Variants in LMCD1 observed in about 807,000 individuals in gnomAD.
LMCD1 encodes LIM and cysteine rich domains 1.
LMCD1 carries 32 observed loss-of-function variants against 42.7 expected under a neutral mutation model. The ratio of observed to expected loss-of-function variants is 0.75; its 90% confidence interval spans 0.57 to 1.01. The LOEUF is 1.01. Among genes scored for constraint, LMCD1 ranks in the 50% least tolerant of loss-of-function variants. LMCD1 has a pLI of 0.00. For missense variants in LMCD1, 458 were observed against 483.1 expected (o/e 0.95, Z 0.49); for synonymous variants, 178 against 184.9 (o/e 0.96, Z 0.30).
chr3:8,518,943 A>T (rs778771653), intron 1 of LMCD1, among the ~76,000 whole-genome samples: 6 of 152,182 alleles, frequency 3.9e-5, no homozygotes, highest in Non-Finnish European at 8.8e-5. Context: ...GATATCTAAC[A>T]TATATTAGCT....
chr3:8,567,717 C>T lies in LMCD1; in HGVS notation c.*119C>T. The T allele has an allele frequency of 1.0e-6, 1 of 992,716 alleles. No homozygotes were observed. Among genetic ancestry groups the T allele is most frequent in the South Asian group, 1.6e-5 (1 of 63,422 alleles). The allele number at this position is 992,716 out of a possible 1,614,324, so 61.5% of individuals were successfully genotyped here. Reference sequence around the variant, plus strand: ...AGCAAGTGAAATAAACAATGATTTGCTTTTCAGTGAGAATATATATATGAG... The same window carrying T: ...AGCAAGTGAAATAAACAATGATTTGTTTTTCAGTGAGAATATATATATGAG... On this transcript the variant is annotated 3_prime_UTR_variant, in exon 6 of 6. Transcript: ENST00000157600.
chr3:8,550,230 C>A (rs1694817129), intron 4 of LMCD1: 1 of 1,105,324 alleles, frequency 9.0e-7, no homozygotes, highest in Non-Finnish European at 1.1e-6. Context: ...CTAGCGTGTA[C>A]TGCGTTTCTG....
intron 1 of LMCD1, among the ~76,000 whole-genome samples, chr3:8,517,630 T>C: frequency 6.6e-6 from 1 of 152,208 alleles, no homozygotes; most frequent in East Asian, 1.9e-4. Context: ...TTCTTCTGAT[T>C]ATATCAAGGA....
chr3:8,514,996 G>C (rs1235038443), intron 1 of LMCD1: 2 of 456,698 alleles, frequency 4.4e-6, no homozygotes, highest in Non-Finnish European at 8.8e-6. Context: ...TCGACCGCAT[G>C]TAAGTTTTCC....
intron 2 of LMCD1, 56 bp downstream of exon 2, chr3:8,532,881 C>T (rs1366464250): frequency 3.5e-6 from 5 of 1,418,494 alleles, no homozygotes; most frequent in East Asian, 2.3e-5. Flanking sequence ...GCTGTCCTCT[C>T]GGGGAACCCT....
At chr3:8,527,548 C>T (rs1041296763) in intron 1 of LMCD1, among the ~76,000 whole-genome samples, 2 of 152,170 alleles carry the variant, frequency 1.3e-5, no homozygotes, top group African/African-American at 4.8e-5. Context: ...TTTTATTCCA[C>T]TCAACCCATC....
At chr3:8,504,645 A>G (rs1380445001) in intron 1 of LMCD1, among the ~76,000 whole-genome samples, 1 of 152,256 alleles carries the variant, frequency 6.6e-6, no homozygotes, top group Non-Finnish European at 1.5e-5. Flanking sequence ...ACATCGTGGC[A>G]GAGCTTACAA....
At chr3:8,558,448 A>T (rs1282549306) in intron 4 of LMCD1, among the ~76,000 whole-genome samples, 2 of 152,236 alleles carry the variant, frequency 1.3e-5, no homozygotes, top group Non-Finnish European at 2.9e-5. Flanking sequence ...GAAACTTCCC[A>T]TTTGTTCTAT....
At chr3:8,527,773 C>T (rs2125019823) in intron 1 of LMCD1, among the ~76,000 whole-genome samples, 1 of 152,224 alleles carries the variant, frequency 6.6e-6, no homozygotes, top group African/African-American at 2.4e-5. Flanking sequence ...ACTAAGATAC[C>T]ACTTTCAAAA....
chr3:8,556,540 C>G (rs1468740769), intron 4 of LMCD1, among the ~76,000 whole-genome samples: 1 of 152,090 alleles, frequency 6.6e-6, no homozygotes, highest in Non-Finnish European at 1.5e-5. Context: ...AGTAGTTAAT[C>G]CAGAACTAGG....
At chr3:8,525,084 G>A (rs1175850684) in intron 1 of LMCD1, among the ~76,000 whole-genome samples, 1 of 152,148 alleles carries the variant, frequency 6.6e-6, no homozygotes, top group Non-Finnish European at 1.5e-5. Context: ...CAAATTTCAA[G>A]TATAGAATAC....
chr3:8,556,733 G>A (rs563303294), intron 4 of LMCD1, among the ~76,000 whole-genome samples: 35 of 152,194 alleles, frequency 2.3e-4, no homozygotes, highest in Non-Finnish European at 4.9e-4. Flanking sequence ...GCCAGTCCTT[G>A]GGCCCATGCT....
chr3:8,549,744 G>T (rs1191669553), intron 4 of LMCD1: 4 of 695,756 alleles, frequency 5.7e-6, no homozygotes, highest in Non-Finnish European at 1.0e-5. Flanking sequence ...AGAAGTCCAA[G>T]GCCAAGGGGC....
intron 3 of LMCD1, among the ~76,000 whole-genome samples, chr3:8,539,170 T>C (rs1312417991): frequency 2.6e-5 from 4 of 152,182 alleles, no homozygotes; most frequent in African/African-American, 9.7e-5. Flanking sequence ...CAAACCTTGA[T>C]CCTTCGCCAT....
At chr3:8,509,066 C>A (rs1038734789) in intron 1 of LMCD1, among the ~76,000 whole-genome samples, 1 of 152,180 alleles carries the variant, frequency 6.6e-6, no homozygotes, top group Non-Finnish European at 1.5e-5. Context: ...AGATAGCTCA[C>A]CGTAGTTCTA....
At chr3:8,553,614 C>G (rs1236418124) in intron 4 of LMCD1, among the ~76,000 whole-genome samples, 1 of 152,196 alleles carries the variant, frequency 6.6e-6, no homozygotes, top group South Asian at 2.1e-4. Context: ...GCCCTACTGA[C>G]GAGACGGGGC....
intron 4 of LMCD1, chr3:8,551,355 C>T: frequency 1.0e-6 from 1 of 985,106 alleles, no homozygotes; most frequent in Non-Finnish European, 1.2e-6. Context: ...GATTCCAGTT[C>T]CACATTTATT....
intron 1 of LMCD1, among the ~76,000 whole-genome samples, chr3:8,527,353 C>T (rs1389937501): frequency 6.6e-6 from 1 of 152,152 alleles, no homozygotes; most frequent in African/African-American, 2.4e-5. Context: ...CACTCTCAGA[C>T]TCAAGGTCAT....
At chr3:8,547,865 A>G (rs867153144) in intron 3 of LMCD1, among the ~76,000 whole-genome samples, 12 of 151,838 alleles carry the variant, frequency 7.9e-5, no homozygotes, top group African/African-American at 2.7e-4. Context: ...CAGCCTGGGC[A>G]ACAGAGCGAG....
Sources: allele counts gnomAD v4.1 joint callset (sites outside exome capture counted in the v4.1 genomes callset), GRCh38; gene constraint gnomAD v4.1.1; transcripts MANE v1.5; gene names NCBI Gene and HGNC (gene_info 2026-07-23, HGNC 2026-07-21).